Variants in PRKN observed in about 807,000 individuals in gnomAD.
PRKN encodes the protein E3 ubiquitin-protein ligase parkin.
A neutral mutation model predicts 59.5 loss-of-function variants in PRKN; 56 were observed. The observed-to-expected ratio is 0.94, with a 90% confidence interval of 0.76 to 1.18. The LOEUF is 1.18. Ranked by LOEUF, PRKN falls within the 50% of genes most tolerant of loss-of-function variation. The pLI is 0.00. For synonymous variants in PRKN, 250 were observed against 222.1 expected (o/e 1.13, Z -1.12); for missense variants, 657 against 596.4 (o/e 1.10, Z -1.06).
intron 7 of PRKN, among the ~76,000 whole-genome samples, chr6:161,605,129 T>C (rs1382804641): frequency 6.6e-6 from 1 of 152,230 alleles, no homozygotes; most frequent in African/African-American, 2.4e-5. Context: ...ATCTAATATT[T>C]CTGCATTCTC....
At chr6:161,921,679 A>T (rs1469891206) in intron 6 of PRKN, among the ~76,000 whole-genome samples, 1 of 152,158 alleles carries the variant, frequency 6.6e-6, no homozygotes, top group Non-Finnish European at 1.5e-5. Context: ...TTGTCATTAT[A>T]CAACACCTTA....
chr6:161,897,672 C>A (rs1284461825), intron 6 of PRKN, among the ~76,000 whole-genome samples: 1 of 152,090 alleles, frequency 6.6e-6, no homozygotes, highest in Non-Finnish European at 1.5e-5. Context: ...TTATGTTGTT[C>A]ATGGCATATA....
At chr6:161,380,744 T>A (rs977679210) in intron 10 of PRKN, among the ~76,000 whole-genome samples, 1 of 152,146 alleles carries the variant, frequency 6.6e-6, no homozygotes. Context: ...TAGATGTGTT[T>A]AAGATTTAAA....
rs9355913 is a variant in PRKN, at chr6:161,585,711, G to A, written c.872-16295C>T. 6.6e-3 allele frequency among the ~76,000 whole-genome samples: 1,009 copies of A among 152,216 alleles called. 27 individuals carry two copies. In the East Asian group the frequency reaches 0.077, roughly 12 times the overall value. ...CTTTGTTGCAGAAGTTTGGACAGCC[G>A]TTTGGCTCTTCCCTAGCAGTCCTGA... On this transcript the variant is annotated intron_variant, in intron 7 of 11. Transcript: ENST00000366898.
intron 1 of PRKN, among the ~76,000 whole-genome samples, chr6:162,516,986 A>T (rs532561046): frequency 6.6e-6 from 1 of 152,208 alleles, no homozygotes; most frequent in African/African-American, 2.4e-5. Flanking sequence ...ATAAATGGAT[A>T]AAAGAGAATG....
intron 2 of PRKN, among the ~76,000 whole-genome samples, chr6:162,344,530 T>C (rs1443425474): frequency 6.6e-6 from 1 of 151,990 alleles, no homozygotes; most frequent in East Asian, 1.9e-4. Flanking sequence ...CAAACCAAGG[T>C]CACCCCCATC....
At chr6:161,963,641 A>C (rs1302077947) in intron 6 of PRKN, among the ~76,000 whole-genome samples, 1 of 152,236 alleles carries the variant, frequency 6.6e-6, no homozygotes, top group African/African-American at 2.4e-5. Flanking sequence ...TTGATTTCTG[A>C]CTAATTCATT....
Position 161,545,446 on chromosome 6 carries a change from G to A in PRKN, c.1083+3408C>T. On this transcript the variant is annotated intron_variant, in intron 9 of 11. Transcript: ENST00000366898. The surrounding 1 kb of genome is among the most constrained non-coding windows in gnomAD (Gnocchi z 4.1). ...GTTCTTCGTTGTCCATACTGTGAGA[G>A]CAAAGAGTAAAAAGAGATTCACCTT... 1 of 1,591,802 alleles carries A rather than the reference G, an allele frequency of 6.3e-7. No individual in the cohort carries two copies. Among genetic ancestry groups the A allele is most frequent in the Non-Finnish European group, 8.6e-7 (1 of 1,160,894 alleles).
intron 9 of PRKN, among the ~76,000 whole-genome samples, chr6:161,432,237 C>T (rs186366998): frequency 7.6e-4 from 113 of 149,424 alleles, no homozygotes; most frequent in Non-Finnish European, 1.3e-3. Context: ...CATTCTGATC[C>T]TGACTGTTTT....
intron 1 of PRKN, among the ~76,000 whole-genome samples, chr6:162,513,097 A>T (rs1777700254): frequency 6.6e-6 from 1 of 152,176 alleles, no homozygotes. Context: ...ATTATACCTG[A>T]AGCAGTTATT....
intron 1 of PRKN, among the ~76,000 whole-genome samples, chr6:162,625,221 G>A (rs967846698): frequency 7.9e-5 from 12 of 152,194 alleles, no homozygotes; most frequent in African/African-American, 1.4e-4. Context: ...GTAACTGAGC[G>A]AGGAATAAAT....
At chr6:162,328,693 A>G (rs1354684752) in intron 2 of PRKN, among the ~76,000 whole-genome samples, 1 of 152,194 alleles carries the variant, frequency 6.6e-6, no homozygotes, top group Admixed American at 6.5e-5. Context: ...AAGAGGAACC[A>G]AGCCTTGGTG....
intron 1 of PRKN, among the ~76,000 whole-genome samples, chr6:162,696,477 ATTTG>A (rs1003368343): frequency 6.8e-6 from 1 of 146,540 alleles, no homozygotes; most frequent in African/African-American, 2.5e-5. Flanking sequence ...AAAAGCATGT[ATTTG>A]TTTGTGAGGA....
chr6:162,356,753 A>T (rs973919255), intron 2 of PRKN, among the ~76,000 whole-genome samples: 3 of 147,136 alleles, frequency 2.0e-5, no homozygotes, highest in Non-Finnish European at 3.0e-5. Context: ...TTAGTAAAAA[A>T]AAAAAAAAAA....
At chr6:162,244,776 A>G (rs2128093084) in intron 3 of PRKN, among the ~76,000 whole-genome samples, 1 of 152,272 alleles carries the variant, frequency 6.6e-6, no homozygotes, top group African/African-American at 2.4e-5. Context: ...TCAAGTACAC[A>G]TAAACACTTT....
chr6:162,173,047 A>G (rs969598412), intron 4 of PRKN, among the ~76,000 whole-genome samples: 2 of 152,104 alleles, frequency 1.3e-5, no homozygotes, highest in African/African-American at 4.8e-5. Flanking sequence ...GGGGAAGGAG[A>G]AACTGGGGGG....
At chr6:162,055,634 G>A (rs1424890068) in intron 4 of PRKN, among the ~76,000 whole-genome samples, 4 of 152,142 alleles carry the variant, frequency 2.6e-5, no homozygotes, top group African/African-American at 9.7e-5. Flanking sequence ...GGGATTGACA[G>A]AGCTTCCAGG....
At chr6:162,215,991 G>A (rs1299881893) in intron 3 of PRKN, among the ~76,000 whole-genome samples, 2 of 152,086 alleles carry the variant, frequency 1.3e-5, no homozygotes, top group Non-Finnish European at 2.9e-5. Flanking sequence ...AGAGGTAGCA[G>A]TGAGCAAGAT....
chr6:161,993,057 A>G (rs1781713067), intron 5 of PRKN, among the ~76,000 whole-genome samples: 1 of 152,134 alleles, frequency 6.6e-6, no homozygotes, highest in Non-Finnish European at 1.5e-5. Flanking sequence ...ACTAGAAAAG[A>G]AAGGACAAAG....
Sources: gnomAD v4.1 joint callset for allele counts (sites outside exome capture counted in the v4.1 genomes callset) on GRCh38, gnomAD v4.1.1 for gene constraint, Gnocchi (gnomAD v3.1) non-coding constraint, MANE v1.5 for transcripts, NCBI Gene and HGNC (gene_info 2026-07-23, HGNC 2026-07-21) for gene names.